Variants in PDHA1 observed in about 807,000 individuals in gnomAD.
The protein encoded by PDHA1 is pyruvate dehydrogenase E1 component subunit alpha, somatic form, mitochondrial.
A neutral mutation model predicts 33.0 loss-of-function variants in PDHA1; 1 was observed. The ratio of observed to expected loss-of-function variants is 0.03; its 90% confidence interval spans 0.01 to 0.14. The LOEUF is 0.14. PDHA1 is among the 10% of genes least tolerant of loss of function. The probability of loss-of-function intolerance (pLI) is 1.00; values close to 1 mark genes in which losing one functional copy is unlikely to be tolerated. For missense variants in PDHA1, 168 were observed against 325.1 expected, an observed-to-expected ratio of 0.52 and a Z score of 3.72; for synonymous variants, 123 against 119.2, an observed-to-expected ratio of 1.03 and a Z score of -0.21.
In PDHA1 at chrX:19,351,331, C is replaced by T; in HGVS notation, c.342C>T (p.Leu114=). The part of the protein sequence containing the change: ...LEAGINPTDH[L]ITAYRAHGFT... ...CCGGCATCAACCCCACAGACCATCTCATCACAGCCTACCGGGCTCACGGCT... is the reference window on the plus strand; with the variant it reads ...CCGGCATCAACCCCACAGACCATCTTATCACAGCCTACCGGGCTCACGGCT... Residue 114 remains leucine, a synonymous_variant, in exon 4 of 11, where the codon CTC becomes CTT. Coordinates refer to ENST00000422285, the MANE Select transcript of PDHA1 (RefSeq NM_000284.4). The T allele has an allele frequency of 8.3e-7, 1 of 1,206,553 alleles. No individual in the cohort carries two copies. Among genetic ancestry groups the T allele is most frequent in the Non-Finnish European group, 1.1e-6 (1 of 890,650 alleles).
chrX:19,352,091 G>A (rs1464988598), intron 4 of PDHA1, among the ~76,000 whole-genome samples: 1 of 110,412 alleles, frequency 9.1e-6, no homozygotes, highest in Admixed American at 9.6e-5. Context: ...GTGAGCCACC[G>A]CACCTGGCCT....
chrX:19,352,210 G>GTCCTCC (rs1248175289), intron 4 of PDHA1, among the ~76,000 whole-genome samples: 2 of 105,079 alleles, frequency 1.9e-5, no homozygotes, highest in South Asian at 4.3e-4. Flanking sequence ...ACTGTGCCCG[G>GTCCTCC]TCCTCCTCCT....
At position 19,351,818 on chromosome X, in the gene PDHA1, A is replaced by ATTTTTT. The variant is rs2063164889; in HGVS notation, c.418+411_418+412insTTTTTT. 1.5e-3 allele frequency among the ~76,000 whole-genome samples: 57 copies of ATTTTTT among 38,221 alleles called. No homozygotes were observed. In the African/African-American group the frequency reaches 0.02, roughly 13 times the overall value. 33.2% of individuals were successfully genotyped at this position (38,221 alleles called of 115,157 possible). ...TGGTTTTTTTTTTTTTTTTTTTTTG[A>ATTTTTT]GACTGTGTCTCACTCCGTTGTCCAG... is the stretch of plus-strand genomic sequence containing the variant. On this transcript the variant is annotated intron_variant, in intron 4 of 10. Transcript: ENST00000422285.
Position 19,349,324 on chromosome X carries a change from C to T in PDHA1, c.70C>T (p.Leu24=). 8.5e-7 allele frequency: 1 copy of T among 1,181,861 alleles called. No individual in the cohort carries two copies. ...TTTGTCTTTTAAGGCAAGCAGAGTG[C>T]TGGTAGCATCCCGTAATTTTGCAAA... ...GASQKPASRV[L]VASRNFANDA... is the part of the protein sequence containing the mutation. Residue 24 remains leucine (L), a synonymous_variant, in exon 2 of 11, where the codon CTG becomes TTG. Coordinates refer to ENST00000422285, the MANE Select transcript of PDHA1 (RefSeq NM_000284.4).
At chrX:19,349,892 G>T in intron 2 of PDHA1, 45 bp from the exon 3 acceptor site, 1 of 1,070,396 alleles carries the variant, frequency 9.3e-7, no homozygotes, top group Non-Finnish European at 1.3e-6. Context: ...AACAGTGTTT[G>T]CAATGTAGTA....
At chrX:19,348,601 G>A (rs1364982729) in intron 1 of PDHA1, among the ~76,000 whole-genome samples, 1 of 112,533 alleles carries the variant, frequency 8.9e-6, no homozygotes, top group East Asian at 2.8e-4. Context: ...TTTATTTGAA[G>A]TATAATTTTG....
rs1026800646 is a variant in PDHA1, at chrX:19,356,272, G to T, written c.831+515G>T. On this transcript the variant is annotated intron_variant, in intron 8 of 10. Coordinates refer to ENST00000422285, the MANE Select transcript of PDHA1 (RefSeq NM_000284.4). ...GGTAAGAGGGAGACTGGCCTAAAGA[G>T]GTTTCACTTCCTTTGGCACTAGTAT... Among the ~76,000 whole-genome samples the T allele has an allele frequency of 3.3e-4, 37 of 111,671 alleles. 1 individual carries two copies.
chrX:19,361,367 T>G lies in PDHA1; in HGVS notation c.*1714T>G. ...AGTCGAAGGTATCTTAGATCTTCCT[T>G]AGTGATCTCATTAAGAATATCCGAA... On this transcript the variant is annotated 3_prime_UTR_variant, in exon 11 of 11. Transcript: ENST00000422285. The G allele has an allele frequency of 8.3e-7, 1 of 1,209,102 alleles. No individual in the cohort carries two copies. Among genetic ancestry groups the G allele is most frequent in the Non-Finnish European group, 1.1e-6 (1 of 893,158 alleles).
intron 5 of PDHA1, 50 bp from the exon 6 acceptor site, chrX:19,354,441 C>A: frequency 1.4e-6 from 1 of 732,957 alleles, no homozygotes; most frequent in Non-Finnish European, 2.2e-6. Flanking sequence ...TAATTAGTAT[C>A]TCCCCTCATG....
Position 19,360,581 on chromosome X carries a change from G to C in PDHA1, c.*928G>C, listed in dbSNP as rs1488080651. 1.2e-5 allele frequency: 5 copies of C among 418,121 alleles called. No individual in the cohort carries two copies. The highest frequency in any genetic ancestry group is 1.2e-5 in the Non-Finnish European group (3 of 242,597). 34.5% of individuals were successfully genotyped at this position (418,121 alleles called of 1,213,427 possible). ...ACAGTTCTATGTTTATAAATAACAG[G>C]TTTCAAAAGAAACTCAGGACAGTAT... On this transcript the variant is annotated 3_prime_UTR_variant, in exon 11 of 11. Transcript: ENST00000422285.
chrX:19,361,219 C>A lies in PDHA1; in HGVS notation c.*1566C>A. 3.4e-6 allele frequency: 2 copies of A among 592,453 alleles called. No individual in the cohort carries two copies. Among genetic ancestry groups the A allele is most frequent in the Middle Eastern group, 5.5e-4 (1 of 1,815 alleles). 48.8% of individuals were successfully genotyped at this position (592,453 alleles called of 1,213,427 possible). The stretch of plus-strand genomic sequence containing the variant: ...CTGCCCCACCTTGGCTTTTTCCCAG[C>A]TTGAACCTAATAGAACTCCAGAGTT... On this transcript the variant is annotated 3_prime_UTR_variant, in exon 11 of 11. Coordinates refer to ENST00000422285, the MANE Select transcript of PDHA1 (RefSeq NM_000284.4).
chrX:19,347,479 G>GCAGGCGCAAGATTA lies in PDHA1; in HGVS notation c.58-1824_58-1811dup, dbSNP rs1342242758. 4.4e-5 allele frequency among the ~76,000 whole-genome samples: 5 copies of GCAGGCGCAAGATTA among 112,770 alleles called. No homozygotes were observed. The East Asian group carries it at 1.4e-3, about 31-fold the overall frequency. On this transcript the variant is annotated intron_variant, in intron 1 of 10. Transcript: ENST00000422285. ...TAGCTTTCTGGCAGTCCTAATCTTT[G>GCAGGCGCAAGATTA]CAGGCGCAAGATTACAGGCGCATGC...
chrX:19,354,013 C>T (rs1027340943), intron 5 of PDHA1, among the ~76,000 whole-genome samples: 1 of 111,169 alleles, frequency 9.0e-6, no homozygotes, highest in Non-Finnish European at 1.9e-5. Flanking sequence ...GTGGTGTAAT[C>T]TCAGCTCACT....
In PDHA1 at chrX:19,358,969, T is replaced by C; in HGVS notation, c.953T>C (p.Met318Thr). 1 of 1,200,877 alleles carries C rather than the reference T, an allele frequency of 8.3e-7. No homozygotes were observed. The highest frequency in any genetic ancestry group is 1.1e-6 in the Non-Finnish European group (1 of 885,608). ...GTAAGAAGTAAGAGTGACCCTATTA[T>C]GCTTCTCAAGGACAGGATGGTGAAC... Reference protein sequence around the residue: ...QEVRSKSDPIMLLKDRMVNSN... With the variant: ...QEVRSKSDPITLLKDRMVNSN... Residue 318 changes from methionine to threonine, a missense_variant, in exon 10 of 11, where the codon ATG (methionine) becomes ACG (threonine). Around this residue, in one of 5 missense-constraint regions of PDHA1, gnomAD observed 58 missense variants for 63.4 expected, o/e 0.92. Coordinates refer to ENST00000422285, the MANE Select transcript of PDHA1 (RefSeq NM_000284.4).
At chrX:19,350,442 T>G (rs1049629019) in intron 3 of PDHA1, among the ~76,000 whole-genome samples, 4 of 111,385 alleles carry the variant, frequency 3.6e-5, no homozygotes, top group Non-Finnish European at 7.5e-5. Context: ...ATTTTTGTAT[T>G]TTTTGGAGAT....
At chrX:19,350,298 C>T (rs2063156444) in intron 3 of PDHA1, among the ~76,000 whole-genome samples, 188 bp downstream of exon 3, 1 of 111,719 alleles carries the variant, frequency 9.0e-6, no homozygotes, top group Admixed American at 9.6e-5. Flanking sequence ...GTGATCTTGG[C>T]TCACTGCAGC....
chrX:19,359,482 T>C lies in PDHA1; in HGVS notation c.1009-7T>C. The C allele has an allele frequency of 8.3e-7, 1 of 1,206,227 alleles. No homozygotes were observed. The highest frequency in any genetic ancestry group is 1.8e-5 in the South Asian group (1 of 56,845). On this transcript the variant is annotated splice_region_variant and splice_polypyrimidine_tract_variant and intron_variant, in intron 10 of 10. Coordinates refer to ENST00000422285, the MANE Select transcript of PDHA1 (RefSeq NM_000284.4). ...TAAAACCTTTTACACTGTTACCTAA[T>C]TTTTAGGAAATTGATGTGGAAGTGA...
At chrX:19,348,894 G>A (rs113224400) in intron 1 of PDHA1, among the ~76,000 whole-genome samples, 4,843 of 112,004 alleles carry the variant, frequency 0.043, 233 homozygotes, top group African/African-American at 0.15. Flanking sequence ...GCAGTGAGCC[G>A]AGATCGCACC....
intron 9 of PDHA1, 141 bp from the exon 10 acceptor site, chrX:19,358,775 G>GGTATGCCCCTTTGTTTCA (rs1261950352): frequency 2.0e-6 from 1 of 499,410 alleles, no homozygotes; most frequent in Admixed American, 2.7e-5. Context: ...CATAAGCATT[G>GGTATGCCCCTTTGTTTCA]GTATGCCCCT....
Sources: allele counts gnomAD v4.1 joint callset (sites outside exome capture counted in the v4.1 genomes callset), GRCh38; gene constraint gnomAD v4.1.1; regional missense constraint gnomAD v4.1.1; transcripts MANE v1.5; gene names NCBI Gene and HGNC (gene_info 2026-07-23, HGNC 2026-07-21).